PTPN22: variants seen among roughly 807,000 people sequenced by gnomAD.
PTPN22 encodes tyrosine-protein phosphatase non-receptor type 22.
Under a neutral mutation model 103.3 loss-of-function variants are expected in PTPN22, and 85 were observed. The ratio of observed to expected loss-of-function variants is 0.82; its 90% CI spans 0.69 to 0.99. The LOEUF (loss-of-function observed/expected upper bound fraction) is 0.99, where lower values mean the gene tolerates loss of function less well. Ranked by LOEUF, PTPN22 falls within the 50% of genes least tolerant of loss-of-function variation. The pLI is 0.00. For missense variants in PTPN22, 865 were observed against 936.9 expected, an observed-to-expected ratio of 0.92 and a Z score of 1.00; for synonymous variants, 323 against 310.2, an observed-to-expected ratio of 1.04 and a Z score of -0.43.
chr1:113,851,631 T>C (rs1199462802), intron 10 of PTPN22, among the ~76,000 whole-genome samples: 1 of 152,204 alleles, frequency 6.6e-6, no homozygotes, highest in Non-Finnish European at 1.5e-5. Flanking sequence ...ACATCCTGGG[T>C]AGAAATTACA....
At chr1:113,869,690 C>T (rs1289151427) in intron 1 of PTPN22, among the ~76,000 whole-genome samples, 3 of 152,226 alleles carry the variant, frequency 2.0e-5, no homozygotes, top group South Asian at 4.1e-4. Context: ...CCACTGCCCC[C>T]GGCCAGTCTA....
intron 20 of PTPN22, among the ~76,000 whole-genome samples, chr1:113,815,755 T>C (rs2101849154): frequency 6.6e-6 from 1 of 152,298 alleles, no homozygotes; most frequent in Non-Finnish European, 1.5e-5. Flanking sequence ...CTCGGCCCAC[T>C]GCAACCTCCG....
At chr1:113,818,812 G>C (rs1481475765) in intron 20 of PTPN22, among the ~76,000 whole-genome samples, 1 of 152,292 alleles carries the variant, frequency 6.6e-6, no homozygotes, top group East Asian at 1.9e-4. Flanking sequence ...AAGAAGAGGA[G>C]GCCACACCTC....
chr1:113,847,338 T>C (rs1475607203), intron 11 of PTPN22, among the ~76,000 whole-genome samples: 1 of 151,704 alleles, frequency 6.6e-6, no homozygotes, highest in Non-Finnish European at 1.5e-5. Flanking sequence ...TATTGTTTTG[T>C]TGTTGTTGTT....
In PTPN22 at chr1:113,856,428, CT is replaced by C; in HGVS notation, c.493del (p.Arg165GlyfsTer6). 1 of 1,597,280 alleles carries C rather than the reference CT, an allele frequency of 6.3e-7. No individual in the cohort carries two copies. Among genetic ancestry groups the C allele is most frequent in the Non-Finnish European group, 8.5e-7 (1 of 1,170,846 alleles). On this transcript the variant is annotated frameshift_variant, in exon 7 of 21. Coordinates refer to ENST00000359785, the Ensembl canonical transcript of PTPN22. LOFTEE classifies it high-confidence loss of function. The stretch of plus-strand genomic sequence containing the variant: ...AGTCCTGATTATATAATCAGATTTC[CT>C]TTTTTCAGCTTCCTAAAAAGAAAAA...
chr1:113,849,278 G>C (rs1197759808), intron 10 of PTPN22, among the ~76,000 whole-genome samples: 1 of 152,124 alleles, frequency 6.6e-6, no homozygotes. Context: ...ACTAAATAAG[G>C]TTTTGAAATT....
chr1:113,851,841 C>T (rs3765598), intron 10 of PTPN22, among the ~76,000 whole-genome samples, 186 bp downstream of exon 10: 23,620 of 151,942 alleles, frequency 0.16, 2,079 homozygotes, highest in East Asian at 0.23. Context: ...GGAATTTGAC[C>T]CAGGACAAGG....
At position 113,852,053 on chromosome 1, in the gene PTPN22, G is replaced by A. The variant is rs1252725604; in HGVS notation, c.802C>T (p.Gln268Ter). The change falls in exon 10 of 21, where the codon CAG (glutamine) becomes TAG (stop). Residue 268 changes from glutamine to a stop codon, truncating the protein, a stop_gained. Coordinates refer to ENST00000359785, the Ensembl canonical transcript of PTPN22. LOFTEE classifies it high-confidence loss of function. The stretch of plus-strand genomic sequence containing the variant: ...TGCGTTTGAACTAATGAAGGCCTCT[G>A]TGTCCGCATTTCCCGGATCAAACTG... The A allele has an allele frequency of 6.2e-7, 1 of 1,611,304 alleles. No individual in the cohort carries two copies. The highest frequency in any genetic ancestry group is 8.5e-7 in the Non-Finnish European group (1 of 1,177,586).
chr1:113,848,030 C>T (rs1275028333), intron 11 of PTPN22, among the ~76,000 whole-genome samples: 1 of 151,910 alleles, frequency 6.6e-6, no homozygotes, highest in African/African-American at 2.4e-5. Context: ...CCACCTTGCC[C>T]AGCCAAGAGA....
intron 10 of PTPN22, 116 bp downstream of exon 10, chr1:113,851,911 A>G: frequency 3.2e-6 from 2 of 616,330 alleles, no homozygotes; most frequent in Non-Finnish European, 5.4e-6. Flanking sequence ...ACTCTAGAGC[A>G]CGTAATGGTA....
chr1:113,821,450 G>T (rs1324072200), intron 19 of PTPN22, among the ~76,000 whole-genome samples: 3 of 151,954 alleles, frequency 2.0e-5, no homozygotes, highest in African/African-American at 7.3e-5. Context: ...GCCTCCCGAG[G>T]ACCTGGGACT....
At chr1:113,822,384 C>T (rs1035015631) in intron 19 of PTPN22, among the ~76,000 whole-genome samples, 1 of 152,196 alleles carries the variant, frequency 6.6e-6, no homozygotes, top group South Asian at 2.1e-4. Context: ...CTGCCTAAAA[C>T]CCTTTTATGG....
intron 1 of PTPN22, among the ~76,000 whole-genome samples, chr1:113,867,541 T>C (rs1376066718): frequency 1.3e-5 from 2 of 152,212 alleles, no homozygotes; most frequent in African/African-American, 4.8e-5. Context: ...ATCACAATTA[T>C]ATTAAATATT....
Position 113,856,532 on chromosome 1 carries a change from C to T in PTPN22, c.480+16G>A. The T allele has an allele frequency of 6.2e-7, 1 of 1,614,194 alleles. No homozygotes were observed. The highest frequency in any genetic ancestry group is 1.1e-5 in the South Asian group (1 of 91,092). Reference sequence around the variant, plus strand: ...TGGAGGCTTTACTCAGACATGAGAACAGACATTACACTTACACAGGATACA... The same window carrying T: ...TGGAGGCTTTACTCAGACATGAGAATAGACATTACACTTACACAGGATACA... On this transcript the variant is annotated intron_variant, in intron 6 of 20. Coordinates refer to ENST00000359785, the Ensembl canonical transcript of PTPN22.
intron 8 of PTPN22, 112 bp from the exon 9 acceptor site, chr1:113,854,649 C>T: frequency 8.6e-7 from 1 of 1,159,792 alleles, no homozygotes; most frequent in South Asian, 1.4e-5. Flanking sequence ...TACCTGGGGA[C>T]AATTAAACTT....
intron 1 of PTPN22, among the ~76,000 whole-genome samples, chr1:113,859,789 A>T (rs990842375): frequency 2.0e-5 from 3 of 152,174 alleles, no homozygotes; most frequent in African/African-American, 7.2e-5. Context: ...AGCTTAATTT[A>T]CTTTCTTTAT....
chr1:113,844,414 A>G (rs1367777694), intron 11 of PTPN22, among the ~76,000 whole-genome samples: 2 of 152,204 alleles, frequency 1.3e-5, no homozygotes, highest in Non-Finnish European at 2.9e-5. Flanking sequence ...AGATCATGCC[A>G]CTGCACTCCA....
Position 113,843,105 on chromosome 1 carries a change from A to AAAAAAAAAAAG in PTPN22, c.916-4486_916-4485insCTTTTTTTTTT, listed in dbSNP as rs561878972. Among the ~76,000 whole-genome samples the AAAAAAAAAAAG allele has an allele frequency of 7.8e-3, 1,144 of 145,786 alleles. 91 individuals carry two copies. Among genetic ancestry groups the AAAAAAAAAAAG allele is most frequent in the African/African-American group, 0.027 (1,031 of 38,632 alleles). ...ACAGAGCGAGACTCCGTCTCAAAAA[A>AAAAAAAAAAAG]AAAAAAAAAGAAAACTAAACATAGA... On this transcript the variant is annotated intron_variant, in intron 11 of 20. Transcript: ENST00000359785.
chr1:113,857,667 G>A (rs376582691), intron 5 of PTPN22, 71 bp downstream of exon 5: 6 of 1,433,234 alleles, frequency 4.2e-6, no homozygotes, highest in South Asian at 2.3e-5. Flanking sequence ...GGTAAGTTCT[G>A]CTGCCAATTT....
Sources: gnomAD v4.1 joint callset for allele counts (sites outside exome capture counted in the v4.1 genomes callset) on GRCh38, gnomAD v4.1.1 for gene constraint, MANE v1.5 for transcripts, NCBI Gene and HGNC (gene_info 2026-07-23, HGNC 2026-07-21) for gene names.